Variants in SCAF11 observed in about 807,000 individuals in gnomAD.
The protein encoded by SCAF11 is protein SCAF11.
A neutral mutation model predicts 140.5 loss-of-function variants in SCAF11; 47 were observed. That is an observed-to-expected ratio of 0.33 (90% CI 0.26 to 0.43). The LOEUF is 0.43. Among genes scored for constraint, SCAF11 ranks in the 20% least tolerant of loss-of-function variants. The pLI, the probability that SCAF11 is intolerant of heterozygous loss-of-function variation, is 1.00. For synonymous variants in SCAF11, 557 were observed against 579.4 expected, an observed-to-expected ratio of 0.96 and a Z score of 0.55; for missense variants, 1,645 against 1,705.1, an observed-to-expected ratio of 0.96 and a Z score of 0.62.
chr12:45,953,049 CTCTTT>C (rs1231805415), intron 3 of SCAF11, among the ~76,000 whole-genome samples: 4 of 152,276 alleles, frequency 2.6e-5, no homozygotes, highest in Non-Finnish European at 4.4e-5. Flanking sequence ...TATTTTCTTT[CTCTTT>C]TAAGTGGGCT....
rs1944947812 is a variant in SCAF11, at chr12:45,928,302, C to G, written c.1399G>C (p.Glu467Gln). 6.2e-7 allele frequency: 1 copy of G among 1,614,006 alleles called. No individual in the cohort carries two copies. The highest frequency in any genetic ancestry group is 8.5e-7 in the Non-Finnish European group (1 of 1,179,982). The change falls in exon 11 of 15, where the codon GAG (glutamate) becomes CAG (glutamine). Residue 467 changes from glutamate (E) to glutamine (Q), a missense_variant. Glu to Gln is a conservative substitution (Grantham distance 29). Transcript: ENST00000369367. ...GAAGATGAAGATCCTACTCTTTCCT[C>G]TGTATCATAATTTGCAGTATGCTTC... ...SEKHTANYDT[E>Q]ERVGSSSSES... is the part of the protein sequence containing the mutation.
chr12:45,935,529 T>G (rs1463930219), intron 6 of SCAF11, among the ~76,000 whole-genome samples: 2 of 152,216 alleles, frequency 1.3e-5, no homozygotes, highest in Non-Finnish European at 2.9e-5. Context: ...CTCTTAGAAA[T>G]AACCATGTTC....
At chr12:45,960,333 C>A (rs918086246) in intron 3 of SCAF11, 1 of 152,090 alleles carries the variant, frequency 6.6e-6, no homozygotes, top group East Asian at 1.9e-4. Context: ...TATGTGGTCA[C>A]CAAATACAAT....
chr12:45,952,639 C>A (rs1945579172), intron 3 of SCAF11, among the ~76,000 whole-genome samples: 1 of 152,026 alleles, frequency 6.6e-6, no homozygotes, highest in African/African-American at 2.4e-5. Context: ...TGCATCAACT[C>A]TAAGAGTTTC....
At chr12:45,942,903 G>C (rs901061960) in intron 6 of SCAF11, among the ~76,000 whole-genome samples, 1 of 152,118 alleles carries the variant, frequency 6.6e-6, no homozygotes, top group Admixed American at 6.5e-5. Flanking sequence ...TGTTGTTTTT[G>C]TTCACTACTA....
intron 1 of SCAF11, among the ~76,000 whole-genome samples, chr12:45,979,160 C>T (rs1946298456): frequency 7.0e-6 from 1 of 142,216 alleles, no homozygotes. Flanking sequence ...CCTGTTAGTT[C>T]TCTCCAGCCC....
intron 10 of SCAF11, among the ~76,000 whole-genome samples, chr12:45,930,158 T>C (rs1418354353): frequency 6.6e-6 from 1 of 152,238 alleles, no homozygotes; most frequent in African/African-American, 2.4e-5. Context: ...ATCATCTGTC[T>C]GAAATGGCAG....
chr12:45,989,704 C>G (rs1292806519), intron 1 of SCAF11, among the ~76,000 whole-genome samples: 3 of 152,100 alleles, frequency 2.0e-5, no homozygotes, highest in African/African-American at 7.2e-5. Flanking sequence ...GCCCAGGTAG[C>G]GAATTTAAAA....
At chr12:45,985,692 T>C (rs1477665579) in intron 1 of SCAF11, among the ~76,000 whole-genome samples, 1 of 152,216 alleles carries the variant, frequency 6.6e-6, no homozygotes, top group Non-Finnish European at 1.5e-5. Context: ...GGCTGACACA[T>C]AGTAAATATC....
chr12:45,950,523 T>C (rs1474113696), intron 4 of SCAF11, among the ~76,000 whole-genome samples: 4 of 152,334 alleles, frequency 2.6e-5, no homozygotes, highest in African/African-American at 7.2e-5. Context: ...AATGAATCTT[T>C]TGCAATGTAA....
rs753575847 is a variant in SCAF11 at position 45,926,297 on chromosome 12, G to C, written c.3404C>G (p.Thr1135Arg). The C allele has an allele frequency of 1.2e-6, 2 of 1,614,002 alleles. No homozygotes were observed. The highest frequency in any genetic ancestry group is 1.3e-5 in the African/African-American group (1 of 74,892). Residue 1135 changes from threonine to arginine, a missense_variant, in exon 11 of 15, where the codon ACA becomes AGA. Physicochemically the swap from Thr to Arg is moderately conservative, Grantham distance 71. Coordinates refer to ENST00000369367, the MANE Select transcript of SCAF11 (RefSeq NM_004719.3). Reference sequence around the variant, plus strand: ...TGTCCATCCAGATCTATCTGCTGGTGTATCAAATGAGAACTCCTGTTCACT... The same window carrying C: ...TGTCCATCCAGATCTATCTGCTGGTCTATCAAATGAGAACTCCTGTTCACT... ...RKSEQEFSFDTPADRSGWTSA... is the reference protein window; with the variant it reads ...RKSEQEFSFDRPADRSGWTSA...
chr12:45,971,707 CTTTT>C (rs201741705), intron 1 of SCAF11, among the ~76,000 whole-genome samples: 2 of 151,024 alleles, frequency 1.3e-5, no homozygotes, highest in Non-Finnish European at 1.5e-5. Flanking sequence ...GAAACTGCTC[CTTTT>C]TTTTTGTTTT....
chr12:45,961,210 A>C, intron 3 of SCAF11: 1 of 665,242 alleles, frequency 1.5e-6, no homozygotes, highest in Non-Finnish European at 2.8e-6. Flanking sequence ...AAGTCATAGA[A>C]CATAAAATCC....
At position 45,923,042 on chromosome 12, in the gene SCAF11, G is replaced by T. The variant is rs200271295; in HGVS notation, c.4019C>A (p.Thr1340Asn). The T allele has an allele frequency of 6.2e-7, 1 of 1,614,166 alleles. No homozygotes were observed. Among genetic ancestry groups the T allele is most frequent in the East Asian group, 2.2e-5 (1 of 44,876 alleles). The change falls in exon 13 of 15, where the codon ACT becomes AAT. Residue 1340 changes from threonine to asparagine, a missense_variant. Thr to Asn is a moderately conservative substitution (Grantham distance 65). Transcript: ENST00000369367. ...GGCTTTGCTGTGACTTGATGACGAA[G>T]TATTACCAGAACTTGGTCCCTGAAC... Reference protein sequence around the residue: ...GMVQGPSSGNTSSSSHSKASN... With the variant: ...GMVQGPSSGNNSSSSHSKASN...
At chr12:45,948,216 A>G (rs1358348878) in intron 5 of SCAF11, among the ~76,000 whole-genome samples, 1 of 152,042 alleles carries the variant, frequency 6.6e-6, no homozygotes, top group Non-Finnish European at 1.5e-5. Context: ...TATAGGAGTG[A>G]GCCACCATGC....
At chr12:45,954,244 T>G (rs879506717) in intron 3 of SCAF11, among the ~76,000 whole-genome samples, 3 of 152,286 alleles carry the variant, frequency 2.0e-5, no homozygotes, top group Non-Finnish European at 4.4e-5. Context: ...ATTTTTTTTA[T>G]TTTTTGAGAC....
rs766377899 is a variant in SCAF11, at chr12:45,927,208, T to C, written c.2493A>G (p.Gln831=). 82 of 1,614,018 alleles carry C rather than the reference T, an allele frequency of 5.1e-5. No individual in the cohort carries two copies. Among genetic ancestry groups the C allele is most frequent in the Middle Eastern group, 1.6e-4 (1 of 6,084 alleles). Residue 831 remains glutamine (Q), a synonymous_variant, in exon 11 of 15, where the codon CAA becomes CAG. Transcript: ENST00000369367. The stretch of plus-strand genomic sequence containing the variant: ...CTGACTCATTCTTAGGAGATGGTGA[T>C]TGAGACTTCCTGCTTTCTTTCCCAG... ...RETGKESRKS[Q]SPSPKNESAR... is the part of the protein sequence containing the mutation.
At chr12:45,959,384 A>G (rs1188088520) in intron 3 of SCAF11, among the ~76,000 whole-genome samples, 1 of 152,224 alleles carries the variant, frequency 6.6e-6, no homozygotes, top group Non-Finnish European at 1.5e-5. Context: ...TAAGTTTAGA[A>G]TCCTTGTCTT....
chr12:45,940,045 G>T (rs1945260565), intron 6 of SCAF11, among the ~76,000 whole-genome samples: 1 of 152,092 alleles, frequency 6.6e-6, no homozygotes, highest in Admixed American at 6.6e-5. Context: ...CCTAAACTTT[G>T]CAATAATTCC....
Sources: gnomAD v4.1 joint callset for allele counts (sites outside exome capture counted in the v4.1 genomes callset) on GRCh38, gnomAD v4.1.1 for gene constraint, MANE v1.5 for transcripts, NCBI Gene and HGNC (gene_info 2026-07-23, HGNC 2026-07-21) for gene names.